The following TDRD9 variants were observed in gnomAD, a reference collection of about 807,000 sequenced individuals.
TDRD9 encodes ATP-dependent RNA helicase TDRD9.
TDRD9 carries 124 observed loss-of-function variants against 172.6 expected under a neutral mutation model. That is an observed-to-expected ratio of 0.72 (90% CI 0.62 to 0.83). The LOEUF (loss-of-function observed/expected upper bound fraction) is 0.83, where lower values mean the gene tolerates loss of function less well. Ranked by LOEUF, TDRD9 falls within the 40% of genes least tolerant of loss-of-function variation. TDRD9 has a pLI of 0.00. For missense variants in TDRD9, 1,479 were observed against 1,714.1 expected, an observed-to-expected ratio of 0.86 and a Z score of 2.42; for synonymous variants, 619 against 617.1, an observed-to-expected ratio of 1.00 and a Z score of -0.05.
intron 20 of TDRD9, chr14:104,013,716 A>G (rs1485911195): frequency 4.6e-5 from 7 of 151,080 alleles, no homozygotes. Flanking sequence ...TGAGCGTAGG[A>G]GTTCTGGGCT....
intron 34 of TDRD9, among the ~76,000 whole-genome samples, chr14:104,046,402 T>C (rs1038029517): frequency 1.1e-4 from 17 of 152,230 alleles, no homozygotes; most frequent in Admixed American, 6.5e-5. Context: ...TTGTATGTGG[T>C]ATGTGATACA....
intron 2 of TDRD9, among the ~76,000 whole-genome samples, chr14:103,959,715 C>T (rs1478253039): frequency 6.6e-6 from 1 of 152,076 alleles, no homozygotes; most frequent in African/African-American, 2.4e-5. Context: ...AATAGAAATC[C>T]AAGGACACCC....
At position 103,975,541 on chromosome 14, in the gene TDRD9, T is replaced by A; in HGVS notation, c.999T>A (p.Ile333=). Residue 333 remains isoleucine, a synonymous_variant, in exon 7 of 36, where the codon ATT becomes ATA. Coordinates refer to ENST00000409874, the MANE Select transcript of TDRD9 (RefSeq NM_153046.3). ...ATTATCTTAATGATTTGGAGCACATTCATCATAGCAAGGTATGTTAGAATG... is the reference window on the plus strand; with the variant it reads ...ATTATCTTAATGATTTGGAGCACATACATCATAGCAAGGTATGTTAGAATG... ...EEYYLNDLEH[I]HHSKLSPHLL... 2.5e-6 allele frequency: 4 copies of A among 1,607,130 alleles called. No homozygotes were observed. Among genetic ancestry groups the A allele is most frequent in the Non-Finnish European group, 3.4e-6 (4 of 1,176,322 alleles).
At chr14:104,005,143 A>C (rs1308098592) in intron 14 of TDRD9, 131 bp from the exon 15 acceptor site, 4 of 783,268 alleles carry the variant, frequency 5.1e-6, no homozygotes, top group East Asian at 5.5e-5. Context: ...CCCTCCCTCA[A>C]TCCTCTCCAT....
intron 32 of TDRD9, among the ~76,000 whole-genome samples, chr14:104,038,954 G>T (rs910944092): frequency 6.6e-6 from 1 of 152,170 alleles, no homozygotes; most frequent in Non-Finnish European, 1.5e-5. Flanking sequence ...ACAGGCGTGA[G>T]CCACCGTGCC....
chr14:103,968,479 C>T (rs1449428849), intron 5 of TDRD9, among the ~76,000 whole-genome samples: 5 of 152,072 alleles, frequency 3.3e-5, no homozygotes, highest in Non-Finnish European at 5.9e-5. Flanking sequence ...TTTAAACTTT[C>T]CAGCTCTTAA....
chr14:104,006,238 T>G, intron 15 of TDRD9, 151 bp from the exon 16 acceptor site: 2 of 630,736 alleles, frequency 3.2e-6, no homozygotes, highest in Non-Finnish European at 5.3e-6. Flanking sequence ...TAAAAAGTTT[T>G]TTTTGGTAAC....
chr14:103,952,104 T>G (rs1393907743), intron 1 of TDRD9, among the ~76,000 whole-genome samples: 2 of 145,750 alleles, frequency 1.4e-5, no homozygotes, highest in Non-Finnish European at 3.0e-5. Context: ...GTAGTTAAGA[T>G]GGCAAGTTTT....
At chr14:104,006,880 T>TA in intron 18 of TDRD9, 35 bp downstream of exon 18, 1 of 1,551,460 alleles carries the variant, frequency 6.4e-7, no homozygotes, top group African/African-American at 1.4e-5. Flanking sequence ...TGAAAGCAGC[T>TA]ACCACAGATT....
chr14:104,033,727 A>G (rs905081020), intron 30 of TDRD9, among the ~76,000 whole-genome samples: 1 of 152,148 alleles, frequency 6.6e-6, no homozygotes. Context: ...GGTCGGGATC[A>G]TGCACGAGGG....
chr14:104,000,659 C>T (rs2034230430), intron 13 of TDRD9, among the ~76,000 whole-genome samples: 2 of 152,122 alleles, frequency 1.3e-5, no homozygotes, highest in Admixed American at 6.5e-5. Context: ...GTGGCACACA[C>T]CTGTAATCCC....
chr14:104,027,025 G>T (rs982028585), intron 28 of TDRD9, 86 bp downstream of exon 28: 2 of 1,433,982 alleles, frequency 1.4e-6, no homozygotes, highest in Non-Finnish European at 1.9e-6. Flanking sequence ...CCTGAGATAG[G>T]AGGAGGCGGA....
At chr14:104,022,593 C>T (rs775505603) in intron 24 of TDRD9, among the ~76,000 whole-genome samples, 15 of 152,120 alleles carry the variant, frequency 9.9e-5, no homozygotes, top group Non-Finnish European at 1.6e-4. Context: ...CGGGCATGGT[C>T]GCACACACCT....
intron 1 of TDRD9, among the ~76,000 whole-genome samples, chr14:103,930,635 TA>T (rs1306149936): frequency 1.3e-5 from 2 of 152,282 alleles, no homozygotes; most frequent in African/African-American, 4.8e-5. Context: ...CTTAGAGGCA[TA>T]GGGGGGACCG....
rs1044542950 is a variant in TDRD9, at chr14:103,980,250, A to G, written c.1011+4697A>G. On this transcript the variant is annotated intron_variant, in intron 7 of 35. Transcript: ENST00000409874. The surrounding 1 kb of genome is among the most constrained non-coding windows in gnomAD (Gnocchi z 4.5). ...GGACCACTACCACCAAGACGCAGAGACCAGTAGTGGCCCCGAATGCCAGGC... is the reference window on the plus strand; with the variant it reads ...GGACCACTACCACCAAGACGCAGAGGCCAGTAGTGGCCCCGAATGCCAGGC... 6.6e-6 allele frequency among the ~76,000 whole-genome samples: 1 copy of G among 152,138 alleles called. No homozygotes were observed. The highest frequency in any genetic ancestry group is 1.5e-5 in the Non-Finnish European group (1 of 68,028).
intron 1 of TDRD9, among the ~76,000 whole-genome samples, chr14:103,952,687 T>C (rs896032066): frequency 6.6e-6 from 1 of 150,792 alleles, no homozygotes; most frequent in East Asian, 1.9e-4. Context: ...CACATTTCTA[T>C]GCGTTTCATT....
At chr14:104,048,360 TC>T (rs1169025771) in intron 34 of TDRD9, among the ~76,000 whole-genome samples, 1 of 152,214 alleles carries the variant, frequency 6.6e-6, no homozygotes, top group African/African-American at 2.4e-5. Context: ...TGCCTCAGTC[TC>T]CCAAGTAGGT....
chr14:104,043,156 AG>A (rs1157152491), intron 34 of TDRD9, among the ~76,000 whole-genome samples: 1 of 151,834 alleles, frequency 6.6e-6, no homozygotes, highest in African/African-American at 2.4e-5. Flanking sequence ...CCCTAGTAGC[AG>A]GGGCTACAGG....
At chr14:103,966,324 C>G (rs897011362) in intron 4 of TDRD9, among the ~76,000 whole-genome samples, 3 of 152,124 alleles carry the variant, frequency 2.0e-5, no homozygotes, top group South Asian at 2.1e-4. Context: ...AAGTGAGACT[C>G]TGTTTCGAAA....
Sources: allele counts gnomAD v4.1 joint callset (sites outside exome capture counted in the v4.1 genomes callset), GRCh38; gene constraint gnomAD v4.1.1; non-coding constraint Gnocchi (gnomAD v3.1); transcripts MANE v1.5; gene names NCBI Gene and HGNC (gene_info 2026-07-23, HGNC 2026-07-21).